The following SNX29 variants were observed in gnomAD, a reference collection of about 807,000 sequenced individuals.
SNX29 encodes sorting nexin-29.
In SNX29, 78 loss-of-function variants were observed where a neutral mutation model predicts 102.1. That is an observed-to-expected ratio of 0.76 (90% CI 0.64 to 0.92). The LOEUF is 0.92. Among genes scored for constraint, SNX29 ranks in the 40% least tolerant of loss-of-function variants. The pLI is 0.00. For missense variants in SNX29, 1,280 were observed against 1,061.7 expected (o/e 1.21, Z -2.86); for synonymous variants, 580 against 414.5 (o/e 1.40, Z -4.85).
chr16:12,113,063 G>T (rs765240491), intron 11 of SNX29, among the ~76,000 whole-genome samples: 1 of 152,154 alleles, frequency 6.6e-6, no homozygotes, highest in Middle Eastern at 3.2e-3. Context: ...TTGTTGCTCC[G>T]CATTTCTGGG....
At chr16:12,180,308 C>T (rs1224487850) in intron 13 of SNX29, among the ~76,000 whole-genome samples, 1 of 152,134 alleles carries the variant, frequency 6.6e-6, no homozygotes, top group Non-Finnish European at 1.5e-5. Context: ...TTTTCTGGTT[C>T]TGGCGTACGT....
chr16:12,572,503 T>C lies in SNX29; in HGVS notation c.*3874T>C, dbSNP rs76042295. 0.019 allele frequency: 20,070 copies of C among 1,063,788 alleles called. 206 individuals are homozygous for C. Among genetic ancestry groups the C allele is most frequent in the Non-Finnish European group, 0.021 (18,632 of 878,288 alleles). 65.9% of individuals were successfully genotyped at this position (1,063,788 alleles called of 1,614,324 possible). A position where few individuals can be genotyped will look rare whatever the true frequency, so the allele number is the denominator to read the frequency against. On this transcript the variant is annotated 3_prime_UTR_variant, in exon 21 of 21. Transcript: ENST00000566228. ...GTTCTTGGGGTTCCAGGCCTCGGCC[T>C]TCCTGCTCCACGTGCTCAAGCCCCC...
intron 20 of SNX29, among the ~76,000 whole-genome samples, chr16:12,541,518 C>G (rs145454028): frequency 6.6e-6 from 1 of 152,264 alleles, no homozygotes; most frequent in East Asian, 1.9e-4. Flanking sequence ...CAAGTCATAA[C>G]CATTTCAGCA....
At chr16:12,538,742 C>G (rs973040420) in intron 20 of SNX29, among the ~76,000 whole-genome samples, 5 of 151,962 alleles carry the variant, frequency 3.3e-5, no homozygotes, top group African/African-American at 1.2e-4. Flanking sequence ...GAGAAGCACA[C>G]CCATATGGGT....
At chr16:12,541,040 G>A (rs911153864) in intron 20 of SNX29, among the ~76,000 whole-genome samples, 5 of 152,184 alleles carry the variant, frequency 3.3e-5, no homozygotes, top group Non-Finnish European at 4.4e-5. Flanking sequence ...CATCTCTGTA[G>A]TCTGGCTGCT....
At chr16:12,519,128 AG>A (rs2089993515) in intron 19 of SNX29, among the ~76,000 whole-genome samples, 1 of 152,196 alleles carries the variant, frequency 6.6e-6, no homozygotes, top group African/African-American at 2.4e-5. Context: ...CATTATTTAA[AG>A]GGAAGCCAGA....
intron 16 of SNX29, among the ~76,000 whole-genome samples, chr16:12,386,428 C>G (rs2083343357): frequency 6.6e-6 from 1 of 152,238 alleles, no homozygotes; most frequent in Non-Finnish European, 1.5e-5. Context: ...GGTGGAGCCA[C>G]TTGCCCTGCT....
At chr16:12,032,098 G>A (rs906476823) in intron 4 of SNX29, among the ~76,000 whole-genome samples, 3 of 151,956 alleles carry the variant, frequency 2.0e-5, no homozygotes, top group African/African-American at 4.8e-5. Context: ...TGTACCAATG[G>A]AATCATGCAA....
intron 3 of SNX29, among the ~76,000 whole-genome samples, chr16:12,015,209 C>G (rs2056805523): frequency 6.6e-6 from 1 of 151,854 alleles, no homozygotes; most frequent in East Asian, 1.9e-4. Context: ...TCTTGGTACT[C>G]CTGCACTGAA....
chr16:12,554,218 GC>G (rs1375676303), intron 20 of SNX29, among the ~76,000 whole-genome samples: 1 of 152,220 alleles, frequency 6.6e-6, no homozygotes, highest in Non-Finnish European at 1.5e-5. Context: ...CATATATAGA[GC>G]AAAACGTGAA....
At chr16:12,542,400 G>A (rs1540279) in intron 20 of SNX29, among the ~76,000 whole-genome samples, 17,863 of 152,276 alleles carry the variant, frequency 0.12, 1,343 homozygotes, top group Non-Finnish European at 0.16. Flanking sequence ...CAGTGGCACA[G>A]TCTCCCCTCA....
intron 18 of SNX29, among the ~76,000 whole-genome samples, chr16:12,435,196 G>A (rs565274946): frequency 9.2e-5 from 14 of 152,180 alleles, no homozygotes; most frequent in African/African-American, 2.4e-4. Flanking sequence ...GTCTCCTCCC[G>A]TTTCCCTCTA....
Position 12,425,416 on chromosome 16 carries a change from T to C in SNX29, c.2037+21887T>C, listed in dbSNP as rs16959563. 2.1e-3 allele frequency among the ~76,000 whole-genome samples: 326 copies of C among 152,050 alleles called. 1 individual carries two copies. Among genetic ancestry groups the C allele is most frequent in the Non-Finnish European group, 2.6e-3 (179 of 67,970 alleles). On this transcript the variant is annotated intron_variant, in intron 18 of 20. Coordinates refer to ENST00000566228, the MANE Select transcript of SNX29 (RefSeq NM_032167.5). ...GGATGATGCCCATGTATTTATCACT[T>C]AGTCACCGGAGCACAGATCTTAGAA... is the stretch of plus-strand genomic sequence containing the variant.
chr16:12,483,122 T>G (rs990062793), intron 19 of SNX29, among the ~76,000 whole-genome samples: 3 of 107,194 alleles, frequency 2.8e-5, no homozygotes, highest in African/African-American at 4.2e-5. Flanking sequence ...AAGTTTTTTT[T>G]TTTTTTTTTT....
At chr16:12,269,859 C>CATTATT (rs72147365) in intron 14 of SNX29, among the ~76,000 whole-genome samples, 2 of 150,380 alleles carry the variant, frequency 1.3e-5, no homozygotes, top group African/African-American at 4.9e-5. Flanking sequence ...TCATCATCAT[C>CATTATT]ATTATTATTA....
chr16:12,394,096 C>A (rs1213293419), intron 16 of SNX29, among the ~76,000 whole-genome samples: 1 of 152,180 alleles, frequency 6.6e-6, no homozygotes, highest in Non-Finnish European at 1.5e-5. Context: ...CCTAAGTCTT[C>A]CTGCAGCAGC....
At chr16:12,242,902 C>A (rs946129043) in intron 14 of SNX29, among the ~76,000 whole-genome samples, 1 of 152,178 alleles carries the variant, frequency 6.6e-6, no homozygotes, top group African/African-American at 2.4e-5. Flanking sequence ...TCCACCTCAG[C>A]CTCCCAAAGT....
At chr16:12,369,135 C>G (rs1185290029) in intron 16 of SNX29, among the ~76,000 whole-genome samples, 4 of 151,112 alleles carry the variant, frequency 2.6e-5, no homozygotes, top group African/African-American at 9.8e-5. Context: ...TTAGCATGTT[C>G]ATATCTTTTT....
chr16:12,500,745 C>G (rs1000074742), intron 19 of SNX29, among the ~76,000 whole-genome samples: 1 of 152,236 alleles, frequency 6.6e-6, no homozygotes, highest in Admixed American at 6.5e-5. Context: ...CCCAGACCTG[C>G]TGCATGAGAA....
Sources: allele counts gnomAD v4.1 joint callset (sites outside exome capture counted in the v4.1 genomes callset), GRCh38; gene constraint gnomAD v4.1.1; transcripts MANE v1.5; gene names NCBI Gene and HGNC (gene_info 2026-07-23, HGNC 2026-07-21).